Variants in MSR1 observed in about 807,000 individuals in gnomAD.
The protein encoded by MSR1 is macrophage scavenger receptor 1, also known as macrophage scavenger receptor types I and II.
A neutral mutation model predicts 47.2 loss-of-function variants in MSR1; 53 were observed. The observed-to-expected ratio is 1.12, with a 90% CI of 0.90 to 1.41. MSR1 has a LOEUF of 1.41. Among genes scored for constraint, MSR1 ranks in the 40% most tolerant of loss-of-function variants. The pLI, the probability that MSR1 is intolerant of heterozygous loss-of-function variation, is 0.00. For missense variants in MSR1, 786 were observed against 546.9 expected, an observed-to-expected ratio of 1.44 and a Z score of -4.36; for synonymous variants, 239 against 185.6, an observed-to-expected ratio of 1.29 and a Z score of -2.34.
At chr8:16,189,324 A>ATATTT (rs1299885604) in intron 1 of MSR1, among the ~76,000 whole-genome samples, 11 of 124,884 alleles carry the variant, frequency 8.8e-5, no homozygotes, top group African/African-American at 1.8e-4. Flanking sequence ...AATCTTATTT[A>ATATTT]CATTTCATAT....
intron 6 of MSR1, among the ~76,000 whole-genome samples, chr8:16,153,504 A>G (rs998361270): frequency 1.1e-4 from 17 of 152,132 alleles, no homozygotes; most frequent in African/African-American, 4.1e-4. Context: ...AAAGCAACAA[A>G]TTATGACATC....
chr8:16,187,774 T>C (rs975875793), intron 1 of MSR1, among the ~76,000 whole-genome samples: 3 of 152,170 alleles, frequency 2.0e-5, no homozygotes, highest in African/African-American at 2.4e-5. Flanking sequence ...CTGTTACATA[T>C]TGGAAAATAA....
intron 8 of MSR1, among the ~76,000 whole-genome samples, chr8:16,135,038 C>A (rs373207560): frequency 6.6e-6 from 1 of 152,102 alleles, no homozygotes; most frequent in East Asian, 1.9e-4. Flanking sequence ...ATCTCCATAA[C>A]ATAAAAGTAC....
At chr8:16,174,316 C>T (rs2117199288) in intron 3 of MSR1, among the ~76,000 whole-genome samples, 1 of 152,212 alleles carries the variant, frequency 6.6e-6, no homozygotes, top group South Asian at 2.1e-4. Context: ...CAGCCTATCT[C>T]TTATTAGAGC....
intron 4 of MSR1, among the ~76,000 whole-genome samples, chr8:16,165,578 A>G (rs1241902714): frequency 6.6e-6 from 1 of 152,022 alleles, no homozygotes; most frequent in African/African-American, 2.4e-5. Flanking sequence ...TATTGTATTA[A>G]GTACTCCTAT....
intron 4 of MSR1, among the ~76,000 whole-genome samples, chr8:16,168,009 T>C (rs1585180628): frequency 6.6e-6 from 1 of 152,308 alleles, no homozygotes; most frequent in East Asian, 1.9e-4. Flanking sequence ...TACCATTGTC[T>C]TCTGACACCT....
intron 3 of MSR1, among the ~76,000 whole-genome samples, chr8:16,172,273 T>A (rs188958880): frequency 1.3e-5 from 2 of 152,316 alleles, no homozygotes; most frequent in East Asian, 3.9e-4. Flanking sequence ...ACTAAGGTCA[T>A]ATGACCAACT....
At chr8:16,143,715 G>C in intron 7 of MSR1, 104 bp from the exon 8 acceptor site, 1 of 763,738 alleles carries the variant, frequency 1.3e-6, no homozygotes, top group Admixed American at 2.2e-5. Flanking sequence ...TAATAGAATG[G>C]ACAGATATTG....
At chr8:16,151,825 A>G (rs1800869636) in intron 6 of MSR1, among the ~76,000 whole-genome samples, 1 of 152,138 alleles carries the variant, frequency 6.6e-6, no homozygotes, top group East Asian at 1.9e-4. Flanking sequence ...GCAAAGTAGC[A>G]GACTGGTTAA....
At chr8:16,119,902 G>T (rs1799957569) in intron 9 of MSR1, among the ~76,000 whole-genome samples, 1 of 136,454 alleles carries the variant, frequency 7.3e-6, no homozygotes, top group Non-Finnish European at 1.5e-5. Flanking sequence ...AATTGGTAGA[G>T]ATAGGATCTT....
At chr8:16,124,390 G>C (rs192070521) in intron 8 of MSR1, among the ~76,000 whole-genome samples, 101 of 152,290 alleles carry the variant, frequency 6.6e-4, no homozygotes, top group African/African-American at 2.2e-3. Context: ...AGACGAGAAT[G>C]ATAGAGGATT....
At position 16,143,614 on chromosome 8, in the gene MSR1, T is replaced by A. The variant is rs1800621195; in HGVS notation, c.980-3A>T. ...CTGGCCTTTTGGTCCAGAATTTCCT[T>A]GAGAAAAGAAGAAAAATATTTGTTT... On this transcript the variant is annotated splice_polypyrimidine_tract_variant and splice_region_variant and intron_variant, in intron 7 of 9. Coordinates refer to ENST00000262101, the MANE Select transcript of MSR1 (RefSeq NM_138715.3). 6.2e-7 allele frequency: 1 copy of A among 1,611,314 alleles called. No homozygotes were observed. The highest frequency in any genetic ancestry group is 8.5e-7 in the Non-Finnish European group (1 of 1,178,266).
intron 8 of MSR1, among the ~76,000 whole-genome samples, chr8:16,134,099 C>T (rs1303572689): frequency 1.3e-5 from 2 of 152,068 alleles, no homozygotes; most frequent in African/African-American, 4.8e-5. Context: ...ACTGCTGATT[C>T]CTTTGGGACA....
intron 8 of MSR1, among the ~76,000 whole-genome samples, chr8:16,130,805 C>T (rs748348704): frequency 5.9e-5 from 9 of 151,922 alleles, no homozygotes; most frequent in East Asian, 3.9e-4. Flanking sequence ...CTTCAAAGAA[C>T]GTGACTCATT....
At chr8:16,179,450 T>C (rs1314286387) in intron 1 of MSR1, among the ~76,000 whole-genome samples, 1 of 152,208 alleles carries the variant, frequency 6.6e-6, no homozygotes, top group African/African-American at 2.4e-5. Context: ...ATACAAATTG[T>C]CATTGCGAAC....
intron 8 of MSR1, chr8:16,140,843 G>A: frequency 6.4e-7 from 1 of 1,570,962 alleles, no homozygotes; most frequent in Non-Finnish European, 8.6e-7. Flanking sequence ...GGGACCAGGA[G>A]AGAAGGCCAT....
Position 16,168,808 on chromosome 8 carries a change from T to G in MSR1, c.280A>C (p.Thr94Pro). 1 of 1,613,928 alleles carries G rather than the reference T, an allele frequency of 6.2e-7. No individual in the cohort carries two copies. The change falls in exon 4 of 10, where the codon ACT becomes CCT. Residue 94 changes from threonine to proline, a missense_variant. Physicochemically the swap from Thr to Pro is conservative, Grantham distance 38. Coordinates refer to ENST00000262101, the MANE Select transcript of MSR1 (RefSeq NM_138715.3). Reference sequence around the variant, plus strand: ...TTTCCTTTTCCCGTGAGACTTTGAGTTATATCATTTGCATTAGTTGAACTA... The same window carrying G: ...TTTCCTTTTCCCGTGAGACTTTGAGGTATATCATTTGCATTAGTTGAACTA... ...SVSSTNANDI[T>P]QSLTGKGNDS... is the part of the protein sequence containing the mutation.
Position 16,168,603 on chromosome 8 carries a change from A to G in MSR1, c.485T>C (p.Leu162Ser). ...CCCATGTCCCTGGACTGAGGAAAAC[A>G]AGGTACTTAGCTGCAGAAGAATGTC... Reference protein sequence around the residue: ...FNDILLQLSTLFSSVQGHGNA... With the variant: ...FNDILLQLSTSFSSVQGHGNA... Residue 162 changes from leucine to serine, a missense_variant, in exon 4 of 10, where the codon TTG (leucine) becomes TCG (serine). Physicochemically the swap from Leu to Ser is moderately radical, Grantham distance 145 (BLOSUM62 -2). Transcript: ENST00000262101. 1.9e-6 allele frequency: 3 copies of G among 1,614,180 alleles called. No homozygotes were observed. The highest frequency in any genetic ancestry group is 2.2e-5 in the South Asian group (2 of 91,088).
At chr8:16,150,166 A>C (rs1800813426) in intron 7 of MSR1, 65 bp downstream of exon 7, 1 of 288,374 alleles carries the variant, frequency 3.5e-6, no homozygotes, top group East Asian at 8.3e-5. Flanking sequence ...ATATATATAT[A>C]TATATAAAAT....
Sources: allele counts gnomAD v4.1 joint callset (sites outside exome capture counted in the v4.1 genomes callset), GRCh38; gene constraint gnomAD v4.1.1; transcripts MANE v1.5; gene names NCBI Gene and HGNC (gene_info 2026-07-23, HGNC 2026-07-21).